KRAS: variants seen among roughly 807,000 people sequenced by gnomAD.
KRAS encodes KRas proto-oncogene, GTPase, also known as GTPase KRas.
Under a neutral mutation model 21.0 loss-of-function variants are expected in KRAS, and 1 was observed. The observed-to-expected ratio is 0.05, with a 90% CI of 0.02 to 0.23. The LOEUF (loss-of-function observed/expected upper bound fraction) is 0.23. KRAS is among the 10% of genes least tolerant of loss of function. The probability of loss-of-function intolerance (pLI) is 1.00; values close to 1 mark genes in which losing one functional copy is unlikely to be tolerated. For missense variants in KRAS, 107 were observed against 221.8 expected (o/e 0.48, Z 3.29); for synonymous variants, 67 against 72.5 (o/e 0.92, Z 0.39).
At chr12:25,249,731 A>T (rs966644848) in intron 1 of KRAS, among the ~76,000 whole-genome samples, 1 of 152,110 alleles carries the variant, frequency 6.6e-6, no homozygotes, top group African/African-American at 2.4e-5. Context: ...TGAGATGTAG[A>T]ACACATCTGC....
chr12:25,212,330 G>A (rs544235165), intron 4 of KRAS, among the ~76,000 whole-genome samples: 2 of 152,306 alleles, frequency 1.3e-5, no homozygotes, highest in South Asian at 4.1e-4. Flanking sequence ...CACATTTTAT[G>A]GTGAAAACAC....
intron 2 of KRAS, 21 bp from the exon 3 acceptor site, chr12:25,227,433 T>C (rs1239709871): frequency 6.2e-7 from 1 of 1,611,482 alleles, no homozygotes; most frequent in East Asian, 2.2e-5. Context: ...AGAAACACAG[T>C]CTGGATTATT....
At chr12:25,241,545 T>TA (rs1311006353) in intron 2 of KRAS, among the ~76,000 whole-genome samples, 2 of 152,230 alleles carry the variant, frequency 1.3e-5, no homozygotes, top group Admixed American at 1.3e-4. Flanking sequence ...CTTGAAAATC[T>TA]AACATAAACC....
chr12:25,232,101 A>T (rs896253230), intron 2 of KRAS, among the ~76,000 whole-genome samples: 1 of 152,152 alleles, frequency 6.6e-6, no homozygotes, highest in African/African-American at 2.4e-5. Flanking sequence ...AACGTGTATC[A>T]CAAGTGGACC....
intron 4 of KRAS, among the ~76,000 whole-genome samples, chr12:25,213,699 A>ATTAT (rs1345806199): frequency 6.6e-6 from 1 of 152,236 alleles, no homozygotes; most frequent in Non-Finnish European, 1.5e-5. Context: ...ACCAACTTGT[A>ATTAT]ATAAATATAA....
At chr12:25,236,092 AAAGGCTTAGAGGATCTCT>A (rs1271059130) in intron 2 of KRAS, among the ~76,000 whole-genome samples, 2 of 151,954 alleles carry the variant, frequency 1.3e-5, no homozygotes, top group African/African-American at 4.8e-5. Context: ...TGGGGATCTC[AAAGGCTTAGAGGATCTCT>A]AAGGCTTAGA....
In KRAS at chr12:25,205,283, G is replaced by A. The variant is rs1182352175; in HGVS notation, c.*4512C>T. 9.3e-6 allele frequency: 2 copies of A among 214,170 alleles called. No homozygotes were observed. Among genetic ancestry groups the A allele is most frequent in the East Asian group, 7.0e-5 (1 of 14,278 alleles). The allele number at this position is 214,170 out of a possible 1,614,324, so 13.3% of individuals were successfully genotyped here. ...ATTTTTATTACATTACAATAATTAGGAGTAGTACAGTTCATGACAAAAATA... is the reference window on the plus strand; with the variant it reads ...ATTTTTATTACATTACAATAATTAGAAGTAGTACAGTTCATGACAAAAATA... On this transcript the variant is annotated 3_prime_UTR_variant, in exon 5 of 5. Transcript: ENST00000311936.
intron 4 of KRAS, among the ~76,000 whole-genome samples, chr12:25,212,018 C>G (rs1951204785): frequency 6.6e-6 from 1 of 152,288 alleles, no homozygotes; most frequent in Middle Eastern, 3.4e-3. Flanking sequence ...GTATGTATCC[C>G]TTCAGGCTAA....
At chr12:25,218,942 TTTG>T (rs1316659292) in intron 4 of KRAS, among the ~76,000 whole-genome samples, 7 of 112,274 alleles carry the variant, frequency 6.2e-5, no homozygotes, top group African/African-American at 1.7e-4. Context: ...TTTTTCTTTT[TTTG>T]TTTTTTTTTT....
At chr12:25,225,119 G>GT (rs1398445425) in intron 4 of KRAS, 1 of 151,682 alleles carries the variant, frequency 6.6e-6, no homozygotes, top group Non-Finnish European at 1.5e-5. Flanking sequence ...GGCTTTCTGG[G>GT]TATTGTCTTT....
At chr12:25,232,507 AAC>A (rs1402170313) in intron 2 of KRAS, among the ~76,000 whole-genome samples, 1 of 152,190 alleles carries the variant, frequency 6.6e-6, no homozygotes. Context: ...CTGATTTTAA[AAC>A]ACAGAGATTC....
At position 25,208,478 on chromosome 12, in the gene KRAS, A is replaced by G. The variant is rs186283516; in HGVS notation, c.*1317T>C. Reference sequence around the variant, plus strand: ...TTAAGAGAACTAGCCAAACCTAGAGATTGTAAAACTTTTTCACTTCATTGT... The same window carrying G: ...TTAAGAGAACTAGCCAAACCTAGAGGTTGTAAAACTTTTTCACTTCATTGT... On this transcript the variant is annotated 3_prime_UTR_variant, in exon 5 of 5. Coordinates refer to ENST00000311936, the MANE Select transcript of KRAS (RefSeq NM_004985.5). The G allele has an allele frequency of 5.2e-4, 121 of 233,308 alleles. No homozygotes were observed. Among genetic ancestry groups the G allele is most frequent in the African/African-American group, 2.5e-3 (113 of 45,430 alleles). The allele number at this position is 233,308 out of a possible 1,614,324, so 14.5% of individuals were successfully genotyped here.
intron 4 of KRAS, chr12:25,215,658 G>T: frequency 2.9e-6 from 3 of 1,018,086 alleles, no homozygotes; most frequent in Non-Finnish European, 3.0e-6. Flanking sequence ...ATGAGCTTGA[G>T]ATTTTTTTTT....
At chr12:25,235,329 A>AC in intron 2 of KRAS, 2 of 430,934 alleles carry the variant, frequency 4.6e-6, no homozygotes, top group Admixed American at 3.7e-5. Flanking sequence ...TGTGTTCCGC[A>AC]CTTTCCGTTT....
chr12:25,229,190 C>G (rs1328471822), intron 2 of KRAS, among the ~76,000 whole-genome samples: 2 of 152,072 alleles, frequency 1.3e-5, no homozygotes, highest in African/African-American at 4.8e-5. Flanking sequence ...ATGCTGGTAA[C>G]AAAAAGTTAT....
At position 25,238,424 on chromosome 12, in the gene KRAS, ATTAT is replaced by A. The variant is rs1273155548; in HGVS notation, c.111+6846_111+6849del. On this transcript the variant is annotated intron_variant, in intron 2 of 4. Transcript: ENST00000311936. ...ATATTTTATATTATATACCTCTCAT[ATTAT>A]TTATTTAGCCTTAATAGCAATTTCC... Among the ~76,000 whole-genome samples the A allele has an allele frequency of 2.6e-5, 4 of 152,288 alleles. No individual in the cohort carries two copies. In the East Asian group the frequency reaches 7.7e-4, roughly 29 times the overall value.
intron 2 of KRAS, among the ~76,000 whole-genome samples, chr12:25,240,977 C>T (rs920137953): frequency 6.6e-6 from 1 of 152,134 alleles, no homozygotes; most frequent in Non-Finnish European, 1.5e-5. Context: ...ACCCTCCTAT[C>T]ATCCCCTGTA....
intron 2 of KRAS, among the ~76,000 whole-genome samples, chr12:25,239,454 T>A (rs1345710809): frequency 6.6e-6 from 1 of 152,200 alleles, no homozygotes; most frequent in Non-Finnish European, 1.5e-5. Flanking sequence ...TTTATCCAAA[T>A]TCCACAAATA....
chr12:25,244,283 A>G (rs769301750), intron 2 of KRAS, among the ~76,000 whole-genome samples: 8 of 152,212 alleles, frequency 5.3e-5, no homozygotes, highest in Non-Finnish European at 1.2e-4. Context: ...AATAAATGCT[A>G]AAGTATTAGG....
Sources: allele counts gnomAD v4.1 joint callset (sites outside exome capture counted in the v4.1 genomes callset), GRCh38; gene constraint gnomAD v4.1.1; transcripts MANE v1.5; gene names NCBI Gene and HGNC (gene_info 2026-07-23, HGNC 2026-07-21).